Variants in NRG3 observed in about 807,000 individuals in gnomAD.
NRG3 encodes the protein pro-neuregulin-3, membrane-bound isoform.
In NRG3, 31 loss-of-function variants were observed where a neutral mutation model predicts 66.9. The observed-to-expected ratio is 0.46, with a 90% CI of 0.35 to 0.63. The LOEUF is 0.63. Ranked by LOEUF, NRG3 falls within the 20% of genes least tolerant of loss-of-function variation. The probability of loss-of-function intolerance (pLI) is 0.00; values close to 1 mark genes in which losing one functional copy is unlikely to be tolerated. For synonymous variants in NRG3, 393 were observed against 359.4 expected (o/e 1.09, Z -1.06); for missense variants, 910 against 878.9 (o/e 1.04, Z -0.45).
At chr10:82,539,582 C>T (rs1435503687) in intron 2 of NRG3, among the ~76,000 whole-genome samples, 1 of 152,012 alleles carries the variant, frequency 6.6e-6, no homozygotes, top group East Asian at 1.9e-4. Context: ...TTTTTTCAAT[C>T]TAAGATCCAT....
chr10:82,202,589 T>A (rs2074896950), intron 1 of NRG3, among the ~76,000 whole-genome samples: 1 of 152,196 alleles, frequency 6.6e-6, no homozygotes, highest in Admixed American at 6.5e-5. Context: ...TACTTGGAAA[T>A]CCTGTTGCCT....
chr10:82,866,283 A>T (rs940054072), intron 4 of NRG3, among the ~76,000 whole-genome samples: 1 of 152,166 alleles, frequency 6.6e-6, no homozygotes, highest in African/African-American at 2.4e-5. Flanking sequence ...TACTTGCTTT[A>T]TACATGAATG....
At chr10:82,725,658 C>T (rs2057557803) in intron 2 of NRG3, among the ~76,000 whole-genome samples, 1 of 152,116 alleles carries the variant, frequency 6.6e-6, no homozygotes, top group African/African-American at 2.4e-5. Context: ...ATACAGTACA[C>T]CTGTTCACAT....
chr10:82,634,055 G>T lies in NRG3; in HGVS notation c.954-104522G>T, dbSNP rs72829349. Among the ~76,000 whole-genome samples the T allele has an allele frequency of 2.9e-3, 448 of 152,282 alleles. 2 individuals are homozygous for T. The highest frequency in any genetic ancestry group is 5.3e-3 in the Non-Finnish European group (361 of 68,028). The stretch of plus-strand genomic sequence containing the variant: ...CATATAGAGATTATGGTTCATAAAG[G>T]ACAACGGGCCCATGAGATATTAGCA... On this transcript the variant is annotated intron_variant, in intron 2 of 8. Transcript: ENST00000372141.
chr10:82,106,242 A>G (rs1423254746), intron 1 of NRG3, among the ~76,000 whole-genome samples: 2 of 152,046 alleles, frequency 1.3e-5, no homozygotes, highest in Admixed American at 6.5e-5. Flanking sequence ...ATTAAGCCAA[A>G]TGAACCAGCT....
At chr10:81,998,418 A>C (rs1318196482) in intron 1 of NRG3, among the ~76,000 whole-genome samples, 1 of 152,032 alleles carries the variant, frequency 6.6e-6, no homozygotes, top group Admixed American at 6.6e-5. Context: ...GATTCTAGGA[A>C]CTTTGTGGTA....
At chr10:81,935,913 A>ACACAC (rs1176243111) in intron 1 of NRG3, among the ~76,000 whole-genome samples, 1 of 149,020 alleles carries the variant, frequency 6.7e-6, no homozygotes, top group Admixed American at 6.6e-5. Context: ...ACACACACAC[A>ACACAC]CACACACACA....
intron 2 of NRG3, among the ~76,000 whole-genome samples, chr10:82,564,005 A>G (rs1360122004): frequency 1.3e-5 from 2 of 152,136 alleles, no homozygotes; most frequent in African/African-American, 2.4e-5. Flanking sequence ...AACAAATTAA[A>G]ATTAAAAGTA....
intron 2 of NRG3, among the ~76,000 whole-genome samples, chr10:82,497,189 C>A (rs1437651799): frequency 2.6e-5 from 4 of 152,138 alleles, no homozygotes; most frequent in Non-Finnish European, 4.4e-5. Context: ...CTCGTTAAAT[C>A]TTGCATACCA....
chr10:82,198,799 C>G (rs535170363), intron 1 of NRG3, among the ~76,000 whole-genome samples: 2 of 151,986 alleles, frequency 1.3e-5, no homozygotes, highest in African/African-American at 2.4e-5. Flanking sequence ...AAGTTCGAGA[C>G]CAGCCTGACC....
intron 1 of NRG3, among the ~76,000 whole-genome samples, chr10:82,165,573 AT>A (rs1210733276): frequency 6.6e-6 from 1 of 151,874 alleles, no homozygotes; most frequent in Admixed American, 6.6e-5. Flanking sequence ...ATAGGTGATC[AT>A]TTTTTTCCTC....
chr10:82,674,715 G>A (rs1335774081), intron 2 of NRG3, among the ~76,000 whole-genome samples: 2 of 152,114 alleles, frequency 1.3e-5, no homozygotes, highest in Non-Finnish European at 2.9e-5. Context: ...TGCTGGATGC[G>A]AAGTCTCAGA....
intron 2 of NRG3, among the ~76,000 whole-genome samples, chr10:82,568,259 T>C (rs1196041220): frequency 6.6e-6 from 1 of 151,750 alleles, no homozygotes; most frequent in Non-Finnish European, 1.5e-5. Context: ...CAGTGGTCAT[T>C]TATCAGCATT....
intron 2 of NRG3, among the ~76,000 whole-genome samples, chr10:82,426,589 C>A (rs2089454940): frequency 7.1e-6 from 1 of 141,752 alleles, no homozygotes; most frequent in African/African-American, 2.6e-5. Flanking sequence ...GTTGAAAGTC[C>A]TCAATGGAAT....
intron 4 of NRG3, among the ~76,000 whole-genome samples, chr10:82,947,952 C>G (rs34235175): frequency 1.3e-5 from 2 of 151,708 alleles, no homozygotes; most frequent in African/African-American, 4.8e-5. Flanking sequence ...GAAATATTTT[C>G]TAGTTTGTAG....
At chr10:82,100,915 G>T (rs1333100784) in intron 1 of NRG3, among the ~76,000 whole-genome samples, 2 of 151,924 alleles carry the variant, frequency 1.3e-5, no homozygotes, top group African/African-American at 2.4e-5. Flanking sequence ...AGAATATGTG[G>T]AATTGTTATC....
In NRG3 at chr10:81,909,168, C is replaced by T. The variant is rs191355961; in HGVS notation, c.823+33005C>T. Among the ~76,000 whole-genome samples the T allele has an allele frequency of 1.2e-3, 176 of 152,288 alleles. 1 individual carries two copies. Among genetic ancestry groups the T allele is most frequent in the Middle Eastern group, 0.01 (3 of 294 alleles). ...TTCCTTGGCTTGTAGATTTATCCCT[C>T]CAATCTCCACCTCCTTCTTCACATA... On this transcript the variant is annotated intron_variant, in intron 1 of 8. Coordinates refer to ENST00000372141, the MANE Select transcript of NRG3 (RefSeq NM_001010848.4).
chr10:81,947,512 C>T (rs1848955173), intron 1 of NRG3, among the ~76,000 whole-genome samples: 3 of 152,120 alleles, frequency 2.0e-5, no homozygotes, highest in Non-Finnish European at 1.5e-5. Context: ...CTCACTCTCC[C>T]CATTGGCCTT....
At chr10:82,586,591 T>C (rs1388835861) in intron 2 of NRG3, among the ~76,000 whole-genome samples, 5 of 152,232 alleles carry the variant, frequency 3.3e-5, no homozygotes, top group Admixed American at 2.0e-4. Context: ...TGGGTTGTTA[T>C]AATGAGTAAA....
Sources: gnomAD v4.1 joint callset for allele counts (sites outside exome capture counted in the v4.1 genomes callset) on GRCh38, gnomAD v4.1.1 for gene constraint, MANE v1.5 for transcripts, NCBI Gene and HGNC (gene_info 2026-07-23, HGNC 2026-07-21) for gene names.